Variants in ARPIN observed in about 807,000 individuals in gnomAD.
ARPIN encodes the protein actin related protein 2/3 complex inhibitor.
Under a neutral mutation model 25.9 loss-of-function variants are expected in ARPIN, and 23 were observed. The observed-to-expected ratio is 0.89, with a 90% CI of 0.64 to 1.26. ARPIN has a LOEUF of 1.26. ARPIN is among the 50% of genes most tolerant of loss of function. The pLI, the probability that ARPIN is intolerant of heterozygous loss-of-function variation, is 0.00. For synonymous variants in ARPIN, 126 were observed against 131.4 expected, an observed-to-expected ratio of 0.96 and a Z score of 0.28; for missense variants, 333 against 312.2, an observed-to-expected ratio of 1.07 and a Z score of -0.50.
chr15:89,908,146 C>G, intron 3 of ARPIN, 134 bp downstream of exon 3: 1 of 1,431,588 alleles, frequency 7.0e-7, no homozygotes, highest in Non-Finnish European at 9.3e-7. Context: ...ATGTGGAAGC[C>G]TCAGGCCACA....
rs1306489228 is a variant in ARPIN, at chr15:89,900,591, T to A, written c.*1204A>T. 2 of 152,208 alleles carry A rather than the reference T, an allele frequency of 1.3e-5. No homozygotes were observed. Among genetic ancestry groups the A allele is most frequent in the Non-Finnish European group, 2.9e-5 (2 of 68,040 alleles). 9.4% of individuals were successfully genotyped at this position (152,208 alleles called of 1,614,324 possible). A position where few individuals can be genotyped will look rare whatever the true frequency, so the allele number is the denominator to read the frequency against. On this transcript the variant is annotated 3_prime_UTR_variant, in exon 6 of 6. Coordinates refer to ENST00000357484, the MANE Select transcript of ARPIN (RefSeq NM_182616.4). ...GCTTAGCACAAGTATGAGTAATTAT[T>A]ATCATGGAAATCATCTAGCATTGTG...
chr15:89,902,951 C>T (rs1379980240), intron 5 of ARPIN: 1 of 1,405,012 alleles, frequency 7.1e-7, no homozygotes, highest in East Asian at 2.7e-5. Flanking sequence ...ATTAATATCC[C>T]TCTGCACCCC....
rs1459225370 is a variant in ARPIN at position 89,895,107 on chromosome 15, AAAG to A, written c.*6685_*6687del. On this transcript the variant is annotated 3_prime_UTR_variant, in exon 6 of 6. Transcript: ENST00000357484. ...CAGAGTATCTTCAGAACAGTAAAAA[AAAG>A]AAGAAAAAAATATATATCTCAGCAG... is the stretch of plus-strand genomic sequence containing the variant. 4 of 152,180 alleles carry A rather than the reference AAAG, an allele frequency of 2.6e-5. No individual in the cohort carries two copies. The highest frequency in any genetic ancestry group is 6.5e-5 in the Admixed American group (1 of 15,280). 9.4% of individuals were successfully genotyped at this position (152,180 alleles called of 1,614,324 possible). A position where few individuals can be genotyped will look rare whatever the true frequency, so the allele number is the denominator to read the frequency against.
At chr15:89,901,973 T>C (rs1323815893) in intron 5 of ARPIN, among the ~76,000 whole-genome samples, 170 bp from the exon 6 acceptor site, 1 of 152,114 alleles carries the variant, frequency 6.6e-6, no homozygotes, top group Non-Finnish European at 1.5e-5. Context: ...TCTTGGACTG[T>C]TTTTCAGTCC....
intron 3 of ARPIN, among the ~76,000 whole-genome samples, chr15:89,904,651 G>A (rs772789690): frequency 4.6e-5 from 7 of 152,132 alleles, no homozygotes; most frequent in Non-Finnish European, 7.3e-5. Flanking sequence ...GGGCACTCCC[G>A]GACTGTGAAG....
Position 89,900,774 on chromosome 15 carries a change from A to C in ARPIN, c.*1021T>G, listed in dbSNP as rs1897005889. On this transcript the variant is annotated 3_prime_UTR_variant, in exon 6 of 6. Coordinates refer to ENST00000357484, the MANE Select transcript of ARPIN (RefSeq NM_182616.4). ...GGTGTGGGTATACTACCCAAAAGGC[A>C]GTGTTCATGAGCCAAGAGAAATGGC... is the stretch of plus-strand genomic sequence containing the variant. 6.6e-6 allele frequency: 1 copy of C among 152,246 alleles called. No individual in the cohort carries two copies. The highest frequency in any genetic ancestry group is 2.1e-4 in the South Asian group (1 of 4,830). 9.4% of individuals were successfully genotyped at this position (152,246 alleles called of 1,614,324 possible).
rs1018377268 is a variant in ARPIN, at chr15:89,903,965, T to C, written c.320A>G (p.Asp107Gly). ...CGCCTCGGGCGTGAGCCTGTCAGTG[T>C]CCCCCTTGGCTTCCACCTCTGCAGG... Reference protein sequence around the residue: ...MSSYKVEAKGDTDRLTPEALK... With the variant: ...MSSYKVEAKGGTDRLTPEALK... Residue 107 changes from aspartate to glycine, a missense_variant, in exon 4 of 6, where the codon GAC becomes GGC. Asp to Gly is a moderately conservative substitution (Grantham distance 94). Coordinates refer to ENST00000357484, the MANE Select transcript of ARPIN (RefSeq NM_182616.4). 2 of 1,607,352 alleles carry C rather than the reference T, an allele frequency of 1.2e-6. No individual in the cohort carries two copies. Among genetic ancestry groups the C allele is most frequent in the African/African-American group, 2.7e-5 (2 of 74,874 alleles).
In ARPIN at chr15:89,896,311, C is replaced by T. The variant is rs1223457590; in HGVS notation, c.*5484G>A. The T allele has an allele frequency of 6.6e-6, 1 of 152,198 alleles. No homozygotes were observed. Among genetic ancestry groups the T allele is most frequent in the Admixed American group, 6.5e-5 (1 of 15,278 alleles). 9.4% of individuals were successfully genotyped at this position (152,198 alleles called of 1,614,324 possible). A position where few individuals can be genotyped will look rare whatever the true frequency, so the allele number is the denominator to read the frequency against. On this transcript the variant is annotated 3_prime_UTR_variant, in exon 6 of 6. Transcript: ENST00000357484. Reference sequence around the variant, plus strand: ...AAACAGAATTATGAAGAAGAACTAGCTCTGCCAACTATGAAAACCTACTTT... The same window carrying T: ...AAACAGAATTATGAAGAAGAACTAGTTCTGCCAACTATGAAAACCTACTTT...
chr15:89,903,396 A>G lies in ARPIN; in HGVS notation c.509-17T>C, dbSNP rs1464424964. On this transcript the variant is annotated splice_polypyrimidine_tract_variant and intron_variant, in intron 4 of 5. Transcript: ENST00000357484. The stretch of plus-strand genomic sequence containing the variant: ...CCAATGAATCTGAAAGAAGAGATGA[A>G]ATTGAATGTCCTCTGTCCCTGTGGC... 2 of 1,614,090 alleles carry G rather than the reference A, an allele frequency of 1.2e-6. No individual in the cohort carries two copies. The highest frequency in any genetic ancestry group is 4.5e-5 in the East Asian group (2 of 44,880).
intron 3 of ARPIN, among the ~76,000 whole-genome samples, chr15:89,907,562 C>T (rs754714348): frequency 1.8e-4 from 28 of 152,124 alleles, no homozygotes; most frequent in Admixed American, 4.6e-4. Flanking sequence ...GTCTCTGAAG[C>T]GCAAAGCAAG....
At position 89,898,174 on chromosome 15, in the gene ARPIN, TG is replaced by T. The variant is rs1358970521; in HGVS notation, c.*3620del. Reference sequence around the variant, plus strand: ...ATGAATGAAGCTCAGAGGATTTGCTTGGTTCTGTTTGAAGATACAAAATAAC... The same window carrying T: ...ATGAATGAAGCTCAGAGGATTTGCTTGTTCTGTTTGAAGATACAAAATAAC... On this transcript the variant is annotated 3_prime_UTR_variant, in exon 6 of 6. Transcript: ENST00000357484. 2 of 151,878 alleles carry T rather than the reference TG, an allele frequency of 1.3e-5. No individual in the cohort carries two copies. The highest frequency in any genetic ancestry group is 2.9e-5 in the Non-Finnish European group (2 of 67,998). The allele number at this position is 151,878 out of a possible 1,614,324, so 9.4% of individuals were successfully genotyped here.
chr15:89,903,648 A>AC, intron 4 of ARPIN, 129 bp downstream of exon 4: 1 of 1,458,506 alleles, frequency 6.9e-7, no homozygotes, highest in Non-Finnish European at 9.2e-7. Flanking sequence ...AGTAAATCTC[A>AC]AGGGCTTGGT....
At position 89,900,683 on chromosome 15, in the gene ARPIN, A is replaced by C. The variant is rs1897004438; in HGVS notation, c.*1112T>G. ...CACCCTCTCTTTTCCCAAGTCAAGC[A>C]AGATCCACATGCCACCAAGTCCTGA... On this transcript the variant is annotated 3_prime_UTR_variant, in exon 6 of 6. Transcript: ENST00000357484. 6.6e-6 allele frequency: 1 copy of C among 152,262 alleles called. No homozygotes were observed. Among genetic ancestry groups the C allele is most frequent in the African/African-American group, 2.4e-5 (1 of 41,468 alleles). The allele number at this position is 152,262 out of a possible 1,614,324, so 9.4% of individuals were successfully genotyped here. A position where few individuals can be genotyped will look rare whatever the true frequency, so the allele number is the denominator to read the frequency against.
chr15:89,912,314 C>G, intron 1 of ARPIN: 2 of 999,928 alleles, frequency 2.0e-6, no homozygotes, highest in Non-Finnish European at 1.2e-6. Flanking sequence ...CCAGGCAGGC[C>G]CTGCTCTGGA....
rs1896961015 is a variant in ARPIN at position 89,898,262 on chromosome 15, A to C, written c.*3533T>G. On this transcript the variant is annotated 3_prime_UTR_variant, in exon 6 of 6. Coordinates refer to ENST00000357484, the MANE Select transcript of ARPIN (RefSeq NM_182616.4). Reference sequence around the variant, plus strand: ...GCTGGACACTGGTGGAAGAAAAAAAAATTCAGATGGGTAGAGGAAAGGGAC... The same window carrying C: ...GCTGGACACTGGTGGAAGAAAAAAACATTCAGATGGGTAGAGGAAAGGGAC... 6.6e-6 allele frequency: 1 copy of C among 152,198 alleles called. No homozygotes were observed. Among genetic ancestry groups the C allele is most frequent in the Admixed American group, 6.5e-5 (1 of 15,268 alleles). The allele number at this position is 152,198 out of a possible 1,614,324, so 9.4% of individuals were successfully genotyped here. A position where few individuals can be genotyped will look rare whatever the true frequency, so the allele number is the denominator to read the frequency against.
chr15:89,907,057 G>GTATTATTATTAT lies in ARPIN; in HGVS notation c.301+1211_301+1222dup, dbSNP rs56208607. ...CTAGAAGTAAAGTGGCCATCAAAAAGTATTATTATTATTATTACTATTTTT... is the reference window on the plus strand; with the variant it reads ...CTAGAAGTAAAGTGGCCATCAAAAAGTATTATTATTATTATTATTATTATTATTACTATTTTT... On this transcript the variant is annotated intron_variant, in intron 3 of 5. Coordinates refer to ENST00000357484, the MANE Select transcript of ARPIN (RefSeq NM_182616.4). 8.3e-3 allele frequency among the ~76,000 whole-genome samples: 1,236 copies of GTATTATTATTAT among 149,348 alleles called. 27 individuals are homozygous for GTATTATTATTAT. The highest frequency in any genetic ancestry group is 0.029 in the African/African-American group (1,163 of 40,652).
chr15:89,902,348 C>A (rs886714628), intron 5 of ARPIN, among the ~76,000 whole-genome samples: 6 of 152,024 alleles, frequency 3.9e-5, no homozygotes, highest in African/African-American at 1.2e-4. Flanking sequence ...GCAAAGGTTG[C>A]AGTGACCTGA....
At position 89,910,784 on chromosome 15, in the gene ARPIN, T is replaced by C; in HGVS notation, c.128A>G (p.Asp43Gly). The change falls in exon 2 of 6, where the codon GAT becomes GGT. Residue 43 changes from aspartate to glycine, a missense_variant. By Grantham distance (94) the Asp-to-Gly change is moderately conservative (BLOSUM62 -1). Transcript: ENST00000357484. ...NGVLLEGELI[D>G]VSRHSILDTH... is the part of the protein sequence containing the mutation. ...GTCCAAGATGCTGTGCCGAGATACA[T>C]CGATCAGTTCTCCCTCCAGCAGGAC... 6.2e-7 allele frequency: 1 copy of C among 1,614,140 alleles called. No individual in the cohort carries two copies. Among genetic ancestry groups the C allele is most frequent in the Non-Finnish European group, 8.5e-7 (1 of 1,180,002 alleles).
At chr15:89,905,161 A>G (rs1897097372) in intron 3 of ARPIN, among the ~76,000 whole-genome samples, 1 of 151,960 alleles carries the variant, frequency 6.6e-6, no homozygotes, top group East Asian at 1.9e-4. Context: ...AGATGGGATT[A>G]CAGGCGTGTG....
Sources: gnomAD v4.1 joint callset for allele counts (sites outside exome capture counted in the v4.1 genomes callset) on GRCh38, gnomAD v4.1.1 for gene constraint, MANE v1.5 for transcripts, NCBI Gene and HGNC (gene_info 2026-07-23, HGNC 2026-07-21) for gene names.